Variants in LINGO2 observed in about 807,000 individuals in gnomAD.
LINGO2 encodes leucine-rich repeat and immunoglobulin-like domain-containing nogo receptor-interacting protein 2.
In LINGO2, 14 loss-of-function variants were observed where a neutral mutation model predicts 30.6. That is an observed-to-expected ratio of 0.46 (90% CI 0.30 to 0.72). The LOEUF (loss-of-function observed/expected upper bound fraction) is 0.72. Ranked by LOEUF, LINGO2 falls within the 30% of genes least tolerant of loss-of-function variation. LINGO2 has a pLI of 0.07. For synonymous variants in LINGO2, 317 were observed against 288.5 expected (o/e 1.10, Z -1.00); for missense variants, 729 against 751.7 (o/e 0.97, Z 0.35).
chr9:28,979,829 T>C, the LINGO2 span, among the ~76,000 whole-genome samples: 1 of 152,264 alleles, frequency 6.6e-6, no homozygotes, highest in East Asian at 1.9e-4. Flanking sequence ...AATATATCGC[T>C]TTTTGATATT....
At chr9:28,813,680 G>T in the LINGO2 span, among the ~76,000 whole-genome samples, 1 of 152,110 alleles carries the variant, frequency 6.6e-6, no homozygotes, top group Non-Finnish European at 1.5e-5. Context: ...GACAAACAAG[G>T]TAATTATATT....
intron 5 of LINGO2, 22 bp from the exon 7 acceptor site, chr9:27,950,728 A>G: frequency 3.7e-6 from 5 of 1,368,234 alleles, no homozygotes; most frequent in Non-Finnish European, 3.9e-6. Context: ...GGACACAAGA[A>G]GGGAGGAAGA....
chr9:28,642,465 G>A (rs754240028), intron 1 of LINGO2, among the ~76,000 whole-genome samples: 5 of 152,032 alleles, frequency 3.3e-5, no homozygotes, highest in Non-Finnish European at 7.4e-5. Flanking sequence ...CACAAAGAAA[G>A]TTGACTTTGA....
chr9:28,788,498 G>A, the LINGO2 span, among the ~76,000 whole-genome samples: 5 of 152,128 alleles, frequency 3.3e-5, no homozygotes, highest in South Asian at 2.1e-4. Flanking sequence ...ATTTGAGAGC[G>A]AACCACACGT....
intron 4 of LINGO2, among the ~76,000 whole-genome samples, chr9:28,156,963 T>C (rs945185743): frequency 2.0e-5 from 3 of 152,160 alleles, no homozygotes; most frequent in Non-Finnish European, 4.4e-5. Context: ...TTGGCTGCCT[T>C]TGTGGGCTGG....
chr9:28,525,844 A>C (rs1821005062), intron 1 of LINGO2, among the ~76,000 whole-genome samples: 1 of 152,126 alleles, frequency 6.6e-6, no homozygotes. Flanking sequence ...TCACGAGGTC[A>C]GGAGATGGAG....
intron 1 of LINGO2, among the ~76,000 whole-genome samples, chr9:28,523,924 C>T (rs1039401703): frequency 1.3e-5 from 2 of 150,160 alleles, no homozygotes; most frequent in Admixed American, 1.3e-4. Context: ...AAATTGACAA[C>T]CAGATTCTAA....
chr9:28,908,007 G>A, the LINGO2 span, among the ~76,000 whole-genome samples: 1 of 151,738 alleles, frequency 6.6e-6, no homozygotes, highest in East Asian at 1.9e-4. Context: ...GAGGGATATA[G>A]GTTTCCTCAG....
chr9:28,569,235 C>T (rs1402793), intron 1 of LINGO2, among the ~76,000 whole-genome samples: 67,955 of 151,498 alleles, frequency 0.45, 15,760 homozygotes, highest in East Asian at 0.67. Flanking sequence ...ATGGAGGTTC[C>T]TGAAAAAATT....
chr9:28,062,431 A>G (rs1193305273), intron 4 of LINGO2, among the ~76,000 whole-genome samples: 2 of 144,478 alleles, frequency 1.4e-5, no homozygotes, highest in Non-Finnish European at 3.0e-5. Context: ...GTATATATAT[A>G]CTATATACAT....
intron 1 of LINGO2, among the ~76,000 whole-genome samples, chr9:28,504,721 T>G (rs183188230): frequency 1.8e-4 from 28 of 151,906 alleles, no homozygotes; most frequent in Admixed American, 1.8e-3. Flanking sequence ...TTAAAAATAG[T>G]CATTGTAGGA....
chr9:28,580,261 T>C (rs931062793), intron 1 of LINGO2, among the ~76,000 whole-genome samples: 1 of 152,048 alleles, frequency 6.6e-6, no homozygotes, highest in South Asian at 2.1e-4. Flanking sequence ...CCAAAACTTG[T>C]ATAATTTTAG....
the LINGO2 span, among the ~76,000 whole-genome samples, chr9:28,833,730 C>T: frequency 0.95 from 144,552 of 152,232 alleles, 69,087 homozygotes; most frequent in East Asian, 1. Context: ...TGGAGATGAA[C>T]GAATAAAATC....
At chr9:28,710,439 A>C in the LINGO2 span, among the ~76,000 whole-genome samples, 1 of 152,142 alleles carries the variant, frequency 6.6e-6, no homozygotes, top group African/African-American at 2.4e-5. Flanking sequence ...GTGGACTCTG[A>C]ATAAAAAATG....
intron 5 of LINGO2, among the ~76,000 whole-genome samples, chr9:28,004,603 A>G (rs894943031): frequency 6.6e-6 from 1 of 151,616 alleles, no homozygotes; most frequent in Non-Finnish European, 1.5e-5. Flanking sequence ...ATCAACTAAT[A>G]GTTGATAAAT....
chr9:28,246,483 A>G (rs1221207422), intron 4 of LINGO2, among the ~76,000 whole-genome samples: 1 of 152,096 alleles, frequency 6.6e-6, no homozygotes, highest in Non-Finnish European at 1.5e-5. Context: ...AACAAACCTA[A>G]CAAAAACAAG....
the LINGO2 span, among the ~76,000 whole-genome samples, chr9:28,776,385 G>T: frequency 6.6e-6 from 1 of 152,058 alleles, no homozygotes; most frequent in African/African-American, 2.4e-5. Context: ...ACTCTAAATT[G>T]TAACTCTAGA....
At chr9:28,817,345 G>A in the LINGO2 span, among the ~76,000 whole-genome samples, 1 of 152,186 alleles carries the variant, frequency 6.6e-6, no homozygotes, top group African/African-American at 2.4e-5. Context: ...AATAAAAATA[G>A]ATTGGTTGGA....
At chr9:28,252,479 C>T (rs573557467) in intron 4 of LINGO2, among the ~76,000 whole-genome samples, 1 of 152,140 alleles carries the variant, frequency 6.6e-6, no homozygotes, top group East Asian at 1.9e-4. Context: ...CCCCCCTTGG[C>T]CTCCCAAAAT....
Sources: allele counts gnomAD v4.1 joint callset (sites outside exome capture counted in the v4.1 genomes callset), GRCh38; gene constraint gnomAD v4.1.1; transcripts MANE v1.5; gene names NCBI Gene and HGNC (gene_info 2026-07-23, HGNC 2026-07-21).